Variants in LAMA2 observed in about 807,000 individuals in gnomAD.
LAMA2 encodes laminin subunit alpha 2, also known as laminin subunit alpha-2.
In LAMA2, 269 loss-of-function variants were observed where a neutral mutation model predicts 364.8. The ratio of observed to expected loss-of-function variants is 0.74; its 90% CI spans 0.67 to 0.82. The LOEUF is 0.82. Ranked by LOEUF, LAMA2 falls within the 40% of genes least tolerant of loss-of-function variation. The pLI, the probability that LAMA2 is intolerant of heterozygous loss-of-function variation, is 0.00. For missense variants in LAMA2, 3,807 were observed against 3,873.2 expected (o/e 0.98, Z 0.45); for synonymous variants, 1,379 against 1,370.6 (o/e 1.01, Z -0.14).
At position 129,402,333 on chromosome 6, in the gene LAMA2, GA is replaced by G; in HGVS notation, c.5573del (p.Asp1858AlafsTer17). The G allele has an allele frequency of 6.2e-7, 1 of 1,613,024 alleles. No homozygotes were observed. Among genetic ancestry groups the G allele is most frequent in the Non-Finnish European group, 8.5e-7 (1 of 1,179,384 alleles). ...CTTCTCTACATATCAGTATGTTGAA[GA>G]CATCCAAACTAAATTGCCACCTATG... is the stretch of plus-strand genomic sequence containing the variant. ...EINSIIDYVE[D>X]IQTKLPPMSE... On this transcript the variant is annotated frameshift_variant, in exon 39 of 65. Transcript: ENST00000421865. LOFTEE classifies it high-confidence loss of function.
chr6:129,359,250 A>C (rs969759142), intron 32 of LAMA2, among the ~76,000 whole-genome samples: 3 of 144,050 alleles, frequency 2.1e-5, no homozygotes, highest in African/African-American at 7.6e-5. Context: ...ATTTTATTTA[A>C]TATATATAAA....
chr6:129,312,216 G>A (rs572057344), intron 22 of LAMA2, among the ~76,000 whole-genome samples: 44 of 150,918 alleles, frequency 2.9e-4, no homozygotes, highest in African/African-American at 1.0e-3. Context: ...TGTAAATAAA[G>A]AGAAAATCGT....
intron 1 of LAMA2, among the ~76,000 whole-genome samples, chr6:128,912,744 A>G (rs1359902948): frequency 2.0e-5 from 3 of 152,254 alleles, no homozygotes; most frequent in South Asian, 2.1e-4. Flanking sequence ...TCATACAGTC[A>G]GGCTGAATGT....
At chr6:129,101,137 A>G (rs1388715108) in intron 4 of LAMA2, among the ~76,000 whole-genome samples, 1 of 152,242 alleles carries the variant, frequency 6.6e-6, no homozygotes, top group East Asian at 1.9e-4. Flanking sequence ...AAACCAGTAA[A>G]TAAAACATGA....
chr6:129,190,511 C>G lies in LAMA2; in HGVS notation c.1608+166C>G, dbSNP rs539119223. Among the ~76,000 whole-genome samples the G allele has an allele frequency of 7.2e-5, 11 of 152,178 alleles. No individual in the cohort carries two copies. The East Asian group carries it at 2.1e-3, about 29-fold the overall frequency. On this transcript the variant is annotated intron_variant, in intron 11 of 64. Coordinates refer to ENST00000421865, the MANE Select transcript of LAMA2 (RefSeq NM_000426.4). The stretch of plus-strand genomic sequence containing the variant: ...TGCTGTTGTGTATTTTTGCTCAAAG[C>G]CTTTGAGGTTGTATTTGTAATATTG...
chr6:128,918,421 C>A (rs1233336305), intron 1 of LAMA2, among the ~76,000 whole-genome samples: 2 of 152,020 alleles, frequency 1.3e-5, no homozygotes, highest in South Asian at 2.1e-4. Context: ...CTACATAATT[C>A]TAAATCATCT....
At chr6:129,028,964 A>G (rs563479868) in intron 1 of LAMA2, among the ~76,000 whole-genome samples, 22 of 152,034 alleles carry the variant, frequency 1.4e-4, no homozygotes, top group African/African-American at 5.3e-4. Flanking sequence ...ACATGCCCAA[A>G]TCCACCAAGT....
intron 13 of LAMA2, among the ~76,000 whole-genome samples, chr6:129,251,748 C>T (rs1283136036): frequency 6.6e-6 from 1 of 152,072 alleles, no homozygotes; most frequent in East Asian, 1.9e-4. Context: ...GACTGGCCAA[C>T]ATGGCAAAAC....
chr6:129,024,767 A>G (rs1379438387), intron 1 of LAMA2, among the ~76,000 whole-genome samples: 1 of 152,096 alleles, frequency 6.6e-6, no homozygotes, highest in Non-Finnish European at 1.5e-5. Flanking sequence ...TTGATTAGGC[A>G]GAAGTATGCT....
intron 34 of LAMA2, among the ~76,000 whole-genome samples, chr6:129,375,873 C>T (rs1778349052): frequency 6.6e-6 from 1 of 152,162 alleles, no homozygotes; most frequent in African/African-American, 2.4e-5. Flanking sequence ...CTGTGTAGAA[C>T]ATCTCAGTGT....
intron 1 of LAMA2, among the ~76,000 whole-genome samples, chr6:128,961,354 T>TATATATATTATATATATATAATATATATA (rs1562873130): frequency 6.4e-5 from 5 of 77,606 alleles, no homozygotes; most frequent in African/African-American, 2.3e-4. Flanking sequence ...TATATATATA[T>TATATATATTATATATATATAATATATATA]ATATATATAT....
chr6:128,985,749 T>C (rs1444636917), intron 1 of LAMA2, among the ~76,000 whole-genome samples: 2 of 152,172 alleles, frequency 1.3e-5, no homozygotes, highest in Admixed American at 1.3e-4. Context: ...CAAATCATCA[T>C]ATCATATAAT....
At chr6:129,287,509 T>C (rs1789355791) in intron 18 of LAMA2, among the ~76,000 whole-genome samples, 1 of 152,288 alleles carries the variant, frequency 6.6e-6, no homozygotes, top group Admixed American at 6.5e-5. Flanking sequence ...TAGAGACATA[T>C]GATGTGTTGT....
intron 1 of LAMA2, among the ~76,000 whole-genome samples, chr6:128,883,924 T>C (rs984481244): frequency 1.3e-5 from 2 of 152,036 alleles, no homozygotes; most frequent in Admixed American, 6.6e-5. Context: ...TTTTCTTTCA[T>C]GGCAATGGCG....
chr6:129,338,853 A>G (rs2114559552), intron 29 of LAMA2, among the ~76,000 whole-genome samples: 1 of 152,222 alleles, frequency 6.6e-6, no homozygotes, highest in Non-Finnish European at 1.5e-5. Context: ...CAGCAGTGAT[A>G]AAGAGTATCC....
At chr6:129,450,345 A>C (rs1277238878) in intron 45 of LAMA2, among the ~76,000 whole-genome samples, 1 of 150,768 alleles carries the variant, frequency 6.6e-6, no homozygotes, top group Non-Finnish European at 1.5e-5. Context: ...TTTGACATGG[A>C]GTCTCACTTT....
intron 1 of LAMA2, among the ~76,000 whole-genome samples, chr6:128,894,665 A>G (rs1776655065): frequency 6.6e-6 from 1 of 152,226 alleles, no homozygotes; most frequent in Non-Finnish European, 1.5e-5. Flanking sequence ...GATGTACCCA[A>G]GATTTAATAA....
intron 1 of LAMA2, among the ~76,000 whole-genome samples, chr6:129,029,017 A>G (rs1786033198): frequency 6.6e-6 from 1 of 151,864 alleles, no homozygotes; most frequent in African/African-American, 2.4e-5. Flanking sequence ...TGTTTTCTAG[A>G]TATGATCTTA....
intron 58 of LAMA2, among the ~76,000 whole-genome samples, chr6:129,494,235 A>G (rs982483790): frequency 5.3e-5 from 8 of 152,178 alleles, no homozygotes; most frequent in Admixed American, 2.0e-4. Context: ...ACTCTTGAAT[A>G]TCTCATTCTC....
Sources: gnomAD v4.1 joint callset for allele counts (sites outside exome capture counted in the v4.1 genomes callset) on GRCh38, gnomAD v4.1.1 for gene constraint, MANE v1.5 for transcripts, NCBI Gene and HGNC (gene_info 2026-07-23, HGNC 2026-07-21) for gene names.